The following PARD3B variants were observed in gnomAD, a reference collection of about 807,000 sequenced individuals.
PARD3B encodes the protein partitioning defective 3 homolog B.
In PARD3B, 103 loss-of-function variants were observed where a neutral mutation model predicts 130.2. The ratio of observed to expected loss-of-function variants is 0.79; its 90% CI spans 0.67 to 0.93. The LOEUF (loss-of-function observed/expected upper bound fraction) is 0.93, where lower values mean the gene tolerates loss of function less well. Among genes scored for constraint, PARD3B ranks in the 40% least tolerant of loss-of-function variants. The probability of loss-of-function intolerance (pLI) is 0.00; values close to 1 mark genes in which losing one functional copy is unlikely to be tolerated. For synonymous variants in PARD3B, 583 were observed against 553.2 expected (o/e 1.05, Z -0.76); for missense variants, 1,609 against 1,499.2 (o/e 1.07, Z -1.21).
chr2:204,664,198 A>T lies in PARD3B; in HGVS notation c.121-21983A>T, dbSNP rs2035932772. 6.6e-6 allele frequency among the ~76,000 whole-genome samples: 1 copy of T among 152,206 alleles called. No individual in the cohort carries two copies. The highest frequency in any genetic ancestry group is 1.5e-5 in the Non-Finnish European group (1 of 68,042). On this transcript the variant is annotated intron_variant, in intron 1 of 22. Coordinates refer to ENST00000406610, the MANE Select transcript of PARD3B (RefSeq NM_001302769.2). The surrounding 1 kb of genome is among the most constrained non-coding windows in gnomAD (Gnocchi z 5.2). ...TTTTATTCTGAGAACCTTCATTCTT[A>T]ACTCAAATCTCAAAAATAGATGACA...
chr2:204,604,853 G>A (rs181976485), intron 1 of PARD3B, among the ~76,000 whole-genome samples: 10 of 152,192 alleles, frequency 6.6e-5, no homozygotes, highest in African/African-American at 2.4e-4. Context: ...GAATTTGGAT[G>A]GGGTATTCTT....
chr2:205,314,284 T>G (rs2105943133), intron 18 of PARD3B, among the ~76,000 whole-genome samples: 1 of 152,304 alleles, frequency 6.6e-6, no homozygotes, highest in Non-Finnish European at 1.5e-5. Context: ...TAATAAAGAA[T>G]GAGACACTGA....
intron 2 of PARD3B, among the ~76,000 whole-genome samples, chr2:204,899,234 TTCCC>T (rs1318127056): frequency 0.03 from 2,935 of 98,762 alleles, 70 homozygotes; most frequent in African/African-American, 0.062. Context: ...CCTCCTCTCC[TTCCC>T]TCCCTCCCTC....
At chr2:204,755,758 A>G (rs1332656175) in intron 2 of PARD3B, among the ~76,000 whole-genome samples, 1 of 152,178 alleles carries the variant, frequency 6.6e-6, no homozygotes, top group African/African-American at 2.4e-5. Context: ...ATGGCAGTTA[A>G]CAAAAGAAAT....
chr2:205,545,701 T>C (rs2052351230), intron 21 of PARD3B, among the ~76,000 whole-genome samples: 1 of 151,700 alleles, frequency 6.6e-6, no homozygotes, highest in South Asian at 2.1e-4. Flanking sequence ...TGGCAAAAAA[T>C]GTGTCCTAAC....
At chr2:205,514,446 TAAG>T (rs2050709416) in intron 21 of PARD3B, among the ~76,000 whole-genome samples, 1 of 152,158 alleles carries the variant, frequency 6.6e-6, no homozygotes, top group South Asian at 2.1e-4. Context: ...GTTTCACTTA[TAAG>T]AACCCACATG....
At chr2:204,794,693 A>T (rs1002532005) in intron 2 of PARD3B, among the ~76,000 whole-genome samples, 2 of 152,242 alleles carry the variant, frequency 1.3e-5, no homozygotes, top group South Asian at 4.1e-4. Context: ...TAACAATTTA[A>T]TTGTAATATA....
intron 20 of PARD3B, among the ~76,000 whole-genome samples, chr2:205,450,364 A>G (rs1021636296): frequency 6.6e-6 from 1 of 151,706 alleles, no homozygotes; most frequent in African/African-American, 2.4e-5. Flanking sequence ...TCCAGCCTCA[A>G]CTCCTGCCAG....
chr2:204,547,204 A>T lies in PARD3B; in HGVS notation c.120+1085A>T, dbSNP rs181272343. Reference sequence around the variant, plus strand: ...CAAAGCATAAAAGTAATTGTTTCTTACAAGTGTATAGCTTAGGGGTTTAAG... The same window carrying T: ...CAAAGCATAAAAGTAATTGTTTCTTTCAAGTGTATAGCTTAGGGGTTTAAG... On this transcript the variant is annotated intron_variant, in intron 1 of 22. Coordinates refer to ENST00000406610, the MANE Select transcript of PARD3B (RefSeq NM_001302769.2). Among the ~76,000 whole-genome samples the T allele has an allele frequency of 2.0e-5, 3 of 152,352 alleles. No homozygotes were observed. In the East Asian group the frequency reaches 5.8e-4, roughly 29 times the overall value.
intron 1 of PARD3B, among the ~76,000 whole-genome samples, chr2:204,596,565 T>C (rs1189020645): frequency 6.6e-6 from 1 of 152,172 alleles, no homozygotes; most frequent in African/African-American, 2.4e-5. Context: ...GTATATGAAG[T>C]GTTGGTTTGG....
At chr2:204,884,972 A>G (rs529541820) in intron 2 of PARD3B, among the ~76,000 whole-genome samples, 2 of 152,348 alleles carry the variant, frequency 1.3e-5, no homozygotes, top group South Asian at 2.1e-4. Context: ...AGAATTATTT[A>G]TAATCCTTTG....
At chr2:205,491,571 G>C (rs890114882) in intron 20 of PARD3B, among the ~76,000 whole-genome samples, 6 of 152,136 alleles carry the variant, frequency 3.9e-5, no homozygotes, top group African/African-American at 1.4e-4. Context: ...TTTTTGCTTA[G>C]GATTGACTTG....
chr2:204,668,322 T>A (rs950881140), intron 1 of PARD3B, among the ~76,000 whole-genome samples: 1 of 152,194 alleles, frequency 6.6e-6, no homozygotes, highest in African/African-American at 2.4e-5. Flanking sequence ...AATATGTGTT[T>A]GGCTCACTTT....
At position 204,689,581 on chromosome 2, in the gene PARD3B, C is replaced by T. The variant is rs957884122; in HGVS notation, c.222+3299C>T. ...CTCCTCTCTGGTTGCTAAAGGCTACCAACTTAGTTCACCCAATAGTAACAA... is the reference window on the plus strand; with the variant it reads ...CTCCTCTCTGGTTGCTAAAGGCTACTAACTTAGTTCACCCAATAGTAACAA... On this transcript the variant is annotated intron_variant, in intron 2 of 22. Transcript: ENST00000406610. The surrounding 1 kb of genome is among the most constrained non-coding windows in gnomAD (Gnocchi z 5.2). 6.6e-6 allele frequency among the ~76,000 whole-genome samples: 1 copy of T among 152,046 alleles called. No individual in the cohort carries two copies. The highest frequency in any genetic ancestry group is 1.5e-5 in the Non-Finnish European group (1 of 68,006).
chr2:205,215,696 G>T (rs1208468642), intron 15 of PARD3B, among the ~76,000 whole-genome samples: 1 of 152,000 alleles, frequency 6.6e-6, no homozygotes, highest in Non-Finnish European at 1.5e-5. Context: ...AATGAATGCT[G>T]CTTTCTGTAA....
At chr2:204,941,725 G>C (rs980787457) in intron 2 of PARD3B, among the ~76,000 whole-genome samples, 1 of 152,106 alleles carries the variant, frequency 6.6e-6, no homozygotes, top group Non-Finnish European at 1.5e-5. Flanking sequence ...TTTAGATGCT[G>C]TACATGATGA....
At chr2:205,203,569 A>C (rs1039257663) in intron 15 of PARD3B, among the ~76,000 whole-genome samples, 6 of 152,098 alleles carry the variant, frequency 3.9e-5, no homozygotes, top group Non-Finnish European at 7.4e-5. Context: ...CATCATCTAC[A>C]TTAGGTATTT....
intron 6 of PARD3B, among the ~76,000 whole-genome samples, chr2:205,113,922 A>G (rs1053981230): frequency 6.6e-6 from 1 of 152,118 alleles, no homozygotes; most frequent in Non-Finnish European, 1.5e-5. Flanking sequence ...ATATTCCAGA[A>G]TATACTTCAA....
In PARD3B at chr2:205,064,542, G is replaced by A. The variant is rs753690953; in HGVS notation, c.504+16852G>A. Among the ~76,000 whole-genome samples the A allele has an allele frequency of 2.0e-4, 30 of 152,166 alleles. 1 individual carries two copies. Among genetic ancestry groups the A allele is most frequent in the Admixed American group, 6.6e-5 (1 of 15,260 alleles). On this transcript the variant is annotated intron_variant, in intron 4 of 22. Coordinates refer to ENST00000406610, the MANE Select transcript of PARD3B (RefSeq NM_001302769.2). ...CACTTTAAATCAACCATGGCAATGG[G>A]GGTGTGGGGAATGTTCTGCAGACAT...
Sources: gnomAD v4.1 joint callset for allele counts (sites outside exome capture counted in the v4.1 genomes callset) on GRCh38, gnomAD v4.1.1 for gene constraint, Gnocchi (gnomAD v3.1) non-coding constraint, MANE v1.5 for transcripts, NCBI Gene and HGNC (gene_info 2026-07-23, HGNC 2026-07-21) for gene names.